PDE7B: variants seen among roughly 807,000 people sequenced by gnomAD.
PDE7B encodes 3',5'-cyclic-AMP phosphodiesterase 7B.
In PDE7B, 29 loss-of-function variants were observed where a neutral mutation model predicts 56.2. The observed-to-expected ratio is 0.52, with a 90% confidence interval of 0.38 to 0.70. The LOEUF (loss-of-function observed/expected upper bound fraction) is 0.70, where lower values mean the gene tolerates loss of function less well. Among genes scored for constraint, PDE7B ranks in the 30% least tolerant of loss-of-function variants. PDE7B has a pLI of 0.00. For synonymous variants in PDE7B, 197 were observed against 196.9 expected (o/e 1.00, Z 0.00); for missense variants, 490 against 565.0 (o/e 0.87, Z 1.35).
chr6:136,011,987 A>T (rs9483902), intron 2 of PDE7B, among the ~76,000 whole-genome samples: 20,644 of 152,136 alleles, frequency 0.14, 3,070 homozygotes, highest in African/African-American at 0.37. Context: ...GAGGTAGAAG[A>T]TCGATTCTAA....
intron 2 of PDE7B, among the ~76,000 whole-genome samples, chr6:135,980,353 G>T (rs1294731451): frequency 6.6e-6 from 1 of 152,126 alleles, no homozygotes; most frequent in African/African-American, 2.4e-5. Flanking sequence ...AGAAAACCTA[G>T]GCATTACCAT....
At chr6:136,181,384 A>G (rs2128451270) in intron 11 of PDE7B, 61 bp downstream of exon 11, 4 of 1,005,904 alleles carry the variant, frequency 4.0e-6, no homozygotes, top group Middle Eastern at 4.1e-4. Flanking sequence ...CATTTATCCT[A>G]ATAAAACAGG....
chr6:136,138,352 A>T (rs193279019), intron 3 of PDE7B, among the ~76,000 whole-genome samples: 6 of 152,184 alleles, frequency 3.9e-5, no homozygotes, highest in Admixed American at 3.9e-4. Flanking sequence ...AAAAACCAGG[A>T]CCTTGTACTA....
chr6:136,002,636 A>G (rs1053361454), intron 2 of PDE7B, among the ~76,000 whole-genome samples: 1 of 152,242 alleles, frequency 6.6e-6, no homozygotes, highest in Non-Finnish European at 1.5e-5. Flanking sequence ...GGATCAATTC[A>G]ACAAGAAGAG....
At chr6:135,958,292 T>C (rs1489193842) in intron 2 of PDE7B, among the ~76,000 whole-genome samples, 1 of 152,118 alleles carries the variant, frequency 6.6e-6, no homozygotes, top group East Asian at 1.9e-4. Context: ...ATTTTCCGCT[T>C]CTATAAATTG....
intron 11 of PDE7B, among the ~76,000 whole-genome samples, chr6:136,184,858 G>C (rs1164569930): frequency 1.3e-5 from 2 of 152,158 alleles, no homozygotes; most frequent in African/African-American, 2.4e-5. Context: ...GGCAAAAAAA[G>C]TTCTTCTAAG....
At chr6:136,125,104 T>C (rs1777999791) in intron 3 of PDE7B, among the ~76,000 whole-genome samples, 1 of 152,196 alleles carries the variant, frequency 6.6e-6, no homozygotes. Context: ...AAATCTTTAA[T>C]CCTTTATAGC....
intron 3 of PDE7B, among the ~76,000 whole-genome samples, chr6:136,126,964 A>T (rs534444123): frequency 2.6e-4 from 40 of 152,346 alleles, no homozygotes; most frequent in African/African-American, 8.9e-4. Context: ...AAATTTTTTT[A>T]AAAATTATAC....
chr6:136,024,398 T>C (rs796835508), intron 2 of PDE7B, among the ~76,000 whole-genome samples: 39 of 152,344 alleles, frequency 2.6e-4, no homozygotes, highest in African/African-American at 8.9e-4. Context: ...CTTTAGTTTT[T>C]ATGTTACCTT....
chr6:136,081,274 G>A (rs1777203181), intron 2 of PDE7B, among the ~76,000 whole-genome samples: 1 of 152,130 alleles, frequency 6.6e-6, no homozygotes, highest in South Asian at 2.1e-4. Flanking sequence ...TGACAACAGT[G>A]CCTCGGGGAG....
chr6:136,055,037 G>A (rs181119032), intron 2 of PDE7B, among the ~76,000 whole-genome samples: 1 of 152,302 alleles, frequency 6.6e-6, no homozygotes, highest in East Asian at 1.9e-4. Context: ...ATATCACTGT[G>A]GAACTGTCTT....
At chr6:136,154,520 A>C (rs548019535) in intron 7 of PDE7B, among the ~76,000 whole-genome samples, 1 of 152,146 alleles carries the variant, frequency 6.6e-6, no homozygotes, top group African/African-American at 2.4e-5. Flanking sequence ...CACAAACAGC[A>C]CCAGCATTGA....
chr6:136,032,105 G>C (rs1436348914), intron 2 of PDE7B, among the ~76,000 whole-genome samples: 1 of 152,162 alleles, frequency 6.6e-6, no homozygotes. Context: ...ATTAAACAGA[G>C]ATCAGTTAGG....
chr6:136,146,986 A>G (rs1778423707), intron 3 of PDE7B, among the ~76,000 whole-genome samples: 2 of 152,094 alleles, frequency 1.3e-5, no homozygotes, highest in African/African-American at 4.8e-5. Context: ...CACAAAAAAT[A>G]TAAATATTAG....
chr6:136,177,158 G>A (rs1364282341), intron 9 of PDE7B, among the ~76,000 whole-genome samples: 1 of 151,808 alleles, frequency 6.6e-6, no homozygotes, highest in Non-Finnish European at 1.5e-5. Context: ...TATAGATTAA[G>A]CTACATTAAA....
chr6:136,147,210 A>G (rs765752986), intron 3 of PDE7B, 141 bp from the exon 4 acceptor site: 1 of 521,414 alleles, frequency 1.9e-6, no homozygotes, highest in Non-Finnish European at 3.4e-6. Context: ...TTTCAAATGT[A>G]GAGTTCAATA....
At chr6:136,156,271 C>A (rs1229796839) in intron 8 of PDE7B, among the ~76,000 whole-genome samples, 1 of 151,546 alleles carries the variant, frequency 6.6e-6, no homozygotes, top group Non-Finnish European at 1.5e-5. Context: ...CTCACTGCAG[C>A]CTGGAATTCC....
At chr6:135,985,789 G>A (rs116173430) in intron 2 of PDE7B, among the ~76,000 whole-genome samples, 75 of 152,224 alleles carry the variant, frequency 4.9e-4, no homozygotes, top group Non-Finnish European at 8.5e-4. Flanking sequence ...TTTCTTCGAC[G>A]TACTACCAAG....
chr6:135,856,795 T>C (rs1014152505), intron 1 of PDE7B, among the ~76,000 whole-genome samples: 1 of 152,224 alleles, frequency 6.6e-6, no homozygotes, highest in Non-Finnish European at 1.5e-5. Context: ...TAATTCTTGA[T>C]ACTACTGTAT....
Sources: gnomAD v4.1 joint callset for allele counts (sites outside exome capture counted in the v4.1 genomes callset) on GRCh38, gnomAD v4.1.1 for gene constraint, MANE v1.5 for transcripts, NCBI Gene and HGNC (gene_info 2026-07-23, HGNC 2026-07-21) for gene names.